The following SUPT3H variants were observed in gnomAD, a reference collection of about 807,000 sequenced individuals.
SUPT3H encodes transcription initiation protein SPT3 homolog.
A neutral mutation model predicts 44.3 loss-of-function variants in SUPT3H; 44 were observed. The observed-to-expected ratio is 0.99, with a 90% CI of 0.78 to 1.28. SUPT3H has a LOEUF of 1.28. SUPT3H is among the 50% of genes most tolerant of loss of function. The pLI, the probability that SUPT3H is intolerant of heterozygous loss-of-function variation, is 0.00. For synonymous variants in SUPT3H, 124 were observed against 125.6 expected (o/e 0.99, Z 0.09); for missense variants, 380 against 387.1 (o/e 0.98, Z 0.15).
At chr6:45,296,934 A>G (rs1046253152) in intron 2 of SUPT3H, among the ~76,000 whole-genome samples, 2 of 136,234 alleles carry the variant, frequency 1.5e-5, no homozygotes, top group African/African-American at 5.4e-5. Flanking sequence ...CTGTCTCAAG[A>G]AAAAAAAAAA....
In SUPT3H at chr6:45,167,823, T is replaced by A. The variant is rs116436687; in HGVS notation, c.102-61817A>T. Among the ~76,000 whole-genome samples, 807 of 152,238 alleles carry A rather than the reference T, an allele frequency of 5.3e-3. 6 individuals carry two copies. The highest frequency in any genetic ancestry group is 0.018 in the African/African-American group (754 of 41,538). ...CACTTCTTTATTTTCATTTATTTTTTTTTTTTAGACAGAGTTTCACTCTAG... is the reference window on the plus strand; with the variant it reads ...CACTTCTTTATTTTCATTTATTTTTATTTTTTAGACAGAGTTTCACTCTAG... On this transcript the variant is annotated intron_variant, in intron 2 of 10. Transcript: ENST00000371459.
intron 3 of SUPT3H, among the ~76,000 whole-genome samples, chr6:45,024,677 G>T (rs73737833): frequency 9.2e-5 from 14 of 152,056 alleles, no homozygotes; most frequent in Non-Finnish European, 1.3e-4. Flanking sequence ...ACTGGACCGC[G>T]GGGTACATAG....
intron 2 of SUPT3H, among the ~76,000 whole-genome samples, chr6:45,352,399 A>T (rs1439507230): frequency 1.3e-5 from 2 of 152,200 alleles, no homozygotes; most frequent in Non-Finnish European, 2.9e-5. Context: ...ATAGATACAA[A>T]TCTAATAAAT....
chr6:45,331,126 T>TGTGTGC (rs1554347257), intron 2 of SUPT3H, among the ~76,000 whole-genome samples: 2 of 132,822 alleles, frequency 1.5e-5, no homozygotes, highest in African/African-American at 5.4e-5. Context: ...TGTGTGTGTG[T>TGTGTGC]GCGCGCGCGC....
chr6:44,842,057 T>G (rs1056697657), intron 10 of SUPT3H, among the ~76,000 whole-genome samples: 2 of 152,050 alleles, frequency 1.3e-5, no homozygotes, highest in Non-Finnish European at 2.9e-5. Context: ...TAAAGTGACA[T>G]TTAGAGGCCT....
intron 6 of SUPT3H, among the ~76,000 whole-genome samples, chr6:44,996,968 C>T (rs1486787994): frequency 6.6e-6 from 1 of 151,606 alleles, no homozygotes; most frequent in African/African-American, 2.4e-5. Flanking sequence ...TTAATTGTAT[C>T]ATTTATTCTC....
chr6:45,039,943 A>T (rs1219432927), intron 3 of SUPT3H, among the ~76,000 whole-genome samples: 1 of 152,182 alleles, frequency 6.6e-6, no homozygotes, highest in African/African-American at 2.4e-5. Context: ...TTATACAAAT[A>T]AGAATAAAGG....
chr6:45,315,550 G>C (rs1784553326), intron 2 of SUPT3H, among the ~76,000 whole-genome samples: 1 of 151,936 alleles, frequency 6.6e-6, no homozygotes. Context: ...TAATGATCAG[G>C]GAAATGCAAA....
chr6:45,288,573 ATATATATATG>A (rs1779736977), intron 2 of SUPT3H, among the ~76,000 whole-genome samples: 1 of 32,846 alleles, frequency 3.0e-5, no homozygotes, highest in African/African-American at 8.8e-5. Context: ...ATGTATATAT[ATATATATATG>A]TATATATATA....
At chr6:45,060,776 A>C (rs1478701595) in intron 3 of SUPT3H, among the ~76,000 whole-genome samples, 1 of 152,214 alleles carries the variant, frequency 6.6e-6, no homozygotes, top group Non-Finnish European at 1.5e-5. Context: ...CCCCATTAAA[A>C]AGTGGGCAAA....
At chr6:45,349,983 C>T (rs529321648) in intron 2 of SUPT3H, among the ~76,000 whole-genome samples, 4 of 151,932 alleles carry the variant, frequency 2.6e-5, no homozygotes, top group South Asian at 4.1e-4. Context: ...TTATTAGTCA[C>T]AGGAAAAAAA....
intron 10 of SUPT3H, among the ~76,000 whole-genome samples, chr6:44,862,534 G>A (rs985575089): frequency 1.3e-4 from 20 of 151,734 alleles, no homozygotes; most frequent in Admixed American, 1.0e-3. Flanking sequence ...AAAATTAGCC[G>A]GGCGTGGTGG....
At chr6:45,367,640 T>A (rs1020167551) in intron 1 of SUPT3H, among the ~76,000 whole-genome samples, 4 of 152,162 alleles carry the variant, frequency 2.6e-5, no homozygotes, top group African/African-American at 7.2e-5. Flanking sequence ...CATGTTAAAC[T>A]CAAAGAGTAA....
At chr6:44,854,109 C>T (rs1325790206) in intron 10 of SUPT3H, among the ~76,000 whole-genome samples, 1 of 152,060 alleles carries the variant, frequency 6.6e-6, no homozygotes, top group Non-Finnish European at 1.5e-5. Flanking sequence ...CCATGACATT[C>T]AGTCATTTAA....
intron 2 of SUPT3H, among the ~76,000 whole-genome samples, chr6:45,214,297 C>T (rs1886344): frequency 0.99 from 150,092 of 152,164 alleles, 74,067 homozygotes; most frequent in Non-Finnish European, 1. Flanking sequence ...GAAGAAAAAG[C>T]AAAAATTGCC....
chr6:45,183,955 G>T (rs565050000), intron 2 of SUPT3H, among the ~76,000 whole-genome samples: 2 of 152,276 alleles, frequency 1.3e-5, no homozygotes, highest in East Asian at 3.9e-4. Context: ...GGATGAACAG[G>T]TAGACACAAA....
intron 10 of SUPT3H, among the ~76,000 whole-genome samples, chr6:44,906,120 A>G (rs529067464): frequency 6.6e-6 from 1 of 152,300 alleles, no homozygotes; most frequent in Admixed American, 6.5e-5. Flanking sequence ...ACATGTATAC[A>G]TATGTAACTA....
At chr6:44,904,983 C>A (rs1331601820) in intron 10 of SUPT3H, among the ~76,000 whole-genome samples, 1 of 152,194 alleles carries the variant, frequency 6.6e-6, no homozygotes, top group African/African-American at 2.4e-5. Context: ...AAAGCTGAAA[C>A]TGGATCCCTT....
At position 44,829,765 on chromosome 6, in the gene SUPT3H, T is replaced by G. The variant is rs760864375; in HGVS notation, c.*51A>C. ...TTTATTTTGTTCACAAGAAATCACC[T>G]TAATATAACATTGCCTTTCCTGTTG... On this transcript the variant is annotated 3_prime_UTR_variant, in exon 11 of 11. Transcript: ENST00000371459. The G allele has an allele frequency of 4.4e-6, 7 of 1,592,424 alleles. No homozygotes were observed. Among genetic ancestry groups the G allele is most frequent in the Non-Finnish European group, 6.0e-6 (7 of 1,164,542 alleles).
Sources: gnomAD v4.1 joint callset for allele counts (sites outside exome capture counted in the v4.1 genomes callset) on GRCh38, gnomAD v4.1.1 for gene constraint, MANE v1.5 for transcripts, NCBI Gene and HGNC (gene_info 2026-07-23, HGNC 2026-07-21) for gene names.